ATG16L2: variants seen among roughly 807,000 people sequenced by gnomAD.
The protein encoded by ATG16L2 is autophagy related 16 like 2, also known as protein Atg16l2.
A neutral mutation model predicts 84.7 loss-of-function variants in ATG16L2; 77 were observed. The ratio of observed to expected loss-of-function variants is 0.91; its 90% CI spans 0.76 to 1.10. ATG16L2 has a LOEUF of 1.10. Ranked by LOEUF, ATG16L2 falls within the 50% of genes least tolerant of loss-of-function variation. The pLI is 0.00. For synonymous variants in ATG16L2, 361 were observed against 342.8 expected (o/e 1.05, Z -0.59); for missense variants, 782 against 817.6 (o/e 0.96, Z 0.53).
At chr11:72,833,202 A>C (rs1591320102), downstream of ATG16L2, among the ~76,000 whole-genome samples, 1 of 152,160 alleles carries the variant, frequency 6.6e-6, no homozygotes, top group Non-Finnish European at 1.5e-5. Context: ...CTGGGGCAGC[A>C]CATTTGCTGA....
chr11:72,817,623 G>C (rs1859767338), intron 2 of ATG16L2, 133 bp from the exon 3 acceptor site: 2 of 799,222 alleles, frequency 2.5e-6, no homozygotes, highest in African/African-American at 3.4e-5. Context: ...TCCTTTACTG[G>C]CTTGCTGGCT....
At chr11:72,819,921 A>G (rs974509948) in intron 3 of ATG16L2, among the ~76,000 whole-genome samples, 1 of 151,624 alleles carries the variant, frequency 6.6e-6, no homozygotes, top group African/African-American at 2.4e-5. Context: ...AATTTTTTGT[A>G]TTTTTAGTAG....
At chr11:72,838,553 G>T in intron 5 of ATG16L2, 1 of 550,700 alleles carries the variant, frequency 1.8e-6, no homozygotes, top group Admixed American at 3.1e-5. Flanking sequence ...TTGCTCCTAG[G>T]GTCCGCTAGG....
At position 72,821,758 on chromosome 11, in the gene ATG16L2, G is replaced by T. The variant is rs1425585172; in HGVS notation, c.392+17G>T. 6.5e-7 allele frequency: 1 copy of T among 1,533,914 alleles called. No homozygotes were observed. The highest frequency in any genetic ancestry group is 2.0e-5 in the Admixed American group (1 of 50,804). ...GCAAAGCAGGTGAGGCGCGGGCGGG[G>T]GCGGGAGGGACCGCGCCCACCTCAG... On this transcript the variant is annotated intron_variant, in intron 4 of 17. Coordinates refer to ENST00000321297, the MANE Select transcript of ATG16L2 (RefSeq NM_033388.2).
intron 8 of ATG16L2, 68 bp from the exon 9 acceptor site, chr11:72,824,666 G>A: frequency 8.7e-7 from 1 of 1,146,394 alleles, no homozygotes; most frequent in Non-Finnish European, 1.3e-6. Flanking sequence ...TGCCTCAGGG[G>A]AGCTGGAGGC....
intron 13 of ATG16L2, 149 bp from the exon 14 acceptor site, chr11:72,827,039 G>T (rs1860406177): frequency 1.2e-6 from 1 of 828,716 alleles, no homozygotes; most frequent in South Asian, 1.8e-5. Flanking sequence ...GGAAAAAGAC[G>T]TGGGTGAGCC....
In ATG16L2 at chr11:72,821,912, G is replaced by C. The variant is rs949848845; in HGVS notation, c.393-132G>C. On this transcript the variant is annotated intron_variant, in intron 4 of 17. Coordinates refer to ENST00000321297, the MANE Select transcript of ATG16L2 (RefSeq NM_033388.2). ...GCTGGGCTCTGAGGGCGAAGGCTTG[G>C]GGGAGACCTGGCTTAGCCACCCGGC... 8.4e-6 allele frequency: 12 copies of C among 1,420,826 alleles called. No homozygotes were observed. In the African/African-American group the frequency reaches 1.6e-4, roughly 19 times the overall value. 88.0% of individuals were successfully genotyped at this position (1,420,826 alleles called of 1,614,324 possible).
intron 5 of ATG16L2, chr11:72,836,862 G>A (rs989392795): frequency 2.6e-5 from 4 of 152,524 alleles, no homozygotes; most frequent in Admixed American, 2.0e-4. Context: ...CCTGTGCACT[G>A]TGGTGCTGGA....
At chr11:72,833,773 A>AT (rs1368694907), downstream of ATG16L2, among the ~76,000 whole-genome samples, 2 of 152,040 alleles carry the variant, frequency 1.3e-5, no homozygotes, top group African/African-American at 4.8e-5. Context: ...ATACAAAAAA[A>AT]TTAGCCGGGT....
intron 14 of ATG16L2, among the ~76,000 whole-genome samples, 161 bp downstream of exon 14, chr11:72,827,454 A>G (rs1259418264): frequency 1.3e-5 from 2 of 152,182 alleles, no homozygotes; most frequent in Non-Finnish European, 2.9e-5. Context: ...GGCTGGGCTC[A>G]GCTCCCGCAG....
At chr11:72,833,408 C>G (rs1258889451), downstream of ATG16L2, among the ~76,000 whole-genome samples, 1 of 152,196 alleles carries the variant, frequency 6.6e-6, no homozygotes, top group East Asian at 1.9e-4. Flanking sequence ...CTGCTTGTTC[C>G]TACTTTACAG....
chr11:72,819,768 C>A lies in ATG16L2; in HGVS notation c.319-1900C>A, dbSNP rs528913420. Among the ~76,000 whole-genome samples, 66 of 151,334 alleles carry A rather than the reference C, an allele frequency of 4.4e-4. 1 individual carries two copies. The highest frequency in any genetic ancestry group is 1.5e-3 in the African/African-American group (63 of 41,284). On this transcript the variant is annotated intron_variant, in intron 3 of 17. Coordinates refer to ENST00000321297, the MANE Select transcript of ATG16L2 (RefSeq NM_033388.2). ...TTTTCTTTCTTTTTTTTTTTTGAGA[C>A]GGAGTCTCACTCTGTTGCCCAGGCT...
At chr11:72,829,648 A>G (rs113500027), downstream of ATG16L2, 9,141 of 1,269,286 alleles carry the variant, frequency 7.2e-3, 48 homozygotes, top group South Asian at 0.013. Context: ...GCGTCTGCCT[A>G]CCTCTTTGCA....
At chr11:72,819,800 C>T (rs998877301) in intron 3 of ATG16L2, among the ~76,000 whole-genome samples, 2 of 151,826 alleles carry the variant, frequency 1.3e-5, no homozygotes, top group Non-Finnish European at 2.9e-5. Flanking sequence ...GGCTGGAGTA[C>T]AGTCGCGTCA....
In ATG16L2 at chr11:72,822,338, C is replaced by G; in HGVS notation, c.644+43C>G. 6.5e-7 allele frequency: 1 copy of G among 1,538,342 alleles called. No individual in the cohort carries two copies. On this transcript the variant is annotated intron_variant, in intron 5 of 17. Coordinates refer to ENST00000321297, the MANE Select transcript of ATG16L2 (RefSeq NM_033388.2). This position sits in a 1 kb window ranked among gnomAD's most constrained non-coding sequence, Gnocchi z 4.2. ...GCCCCTCCTGAGGAAAGGCCCCGCC[C>G]CTGCAGGGAGGAGTCGGGCCTCGCC...
chr11:72,836,894 GTTAT>G (rs1860745536), intron 5 of ATG16L2: 2 of 152,498 alleles, frequency 1.3e-5, no homozygotes, highest in Admixed American at 1.3e-4. Flanking sequence ...GGATGGAGGG[GTTAT>G]TTTTTAAAAA....
At chr11:72,827,013 C>A in intron 13 of ATG16L2, 175 bp from the exon 14 acceptor site, 2 of 871,018 alleles carry the variant, frequency 2.3e-6, no homozygotes, top group Non-Finnish European at 3.5e-6. Context: ...TTCTTGGTGA[C>A]CTCAGGCTGT....
At chr11:72,821,377 G>T in intron 3 of ATG16L2, 1 of 1,225,534 alleles carries the variant, frequency 8.2e-7, no homozygotes, top group South Asian at 2.0e-5. Flanking sequence ...TTCAGGCGAG[G>T]CAGTGGAGCG....
At chr11:72,817,236 C>T (rs1859748757) in intron 2 of ATG16L2, among the ~76,000 whole-genome samples, 1 of 151,572 alleles carries the variant, frequency 6.6e-6, no homozygotes, top group African/African-American at 2.4e-5. Context: ...TTGGGAGGTG[C>T]TTTGCTTTTT....
Sources: gnomAD v4.1 joint callset for allele counts (sites outside exome capture counted in the v4.1 genomes callset) on GRCh38, gnomAD v4.1.1 for gene constraint, Gnocchi (gnomAD v3.1) non-coding constraint, MANE v1.5 for transcripts, NCBI Gene and HGNC (gene_info 2026-07-23, HGNC 2026-07-21) for gene names.